PPM1E: variants seen among roughly 807,000 people sequenced by gnomAD.
PPM1E encodes the protein protein phosphatase 1E.
Under a neutral mutation model 65.9 loss-of-function variants are expected in PPM1E, and 20 were observed. That is an observed-to-expected ratio of 0.30 (90% confidence interval 0.21 to 0.44). The LOEUF (loss-of-function observed/expected upper bound fraction) is 0.44, where lower values mean the gene tolerates loss of function less well. PPM1E is among the 20% of genes least tolerant of loss of function. The pLI is 1.00. For synonymous variants in PPM1E, 352 were observed against 374.9 expected (o/e 0.94, Z 0.70); for missense variants, 713 against 953.1 (o/e 0.75, Z 3.32).
intron 1 of PPM1E, among the ~76,000 whole-genome samples, chr17:58,938,765 T>C (rs1282065824): frequency 6.6e-6 from 1 of 151,718 alleles, no homozygotes; most frequent in East Asian, 1.9e-4. Context: ...ACTCATAGGC[T>C]GTCTATGCTG....
intron 1 of PPM1E, among the ~76,000 whole-genome samples, chr17:58,869,248 T>A (rs1038186825): frequency 6.6e-5 from 10 of 152,196 alleles, no homozygotes; most frequent in Non-Finnish European, 1.2e-4. Flanking sequence ...GAATATTTTT[T>A]AATGTTTTTT....
At chr17:58,758,325 C>T (rs1350589366) in intron 1 of PPM1E, among the ~76,000 whole-genome samples, 1 of 151,806 alleles carries the variant, frequency 6.6e-6, no homozygotes, top group Non-Finnish European at 1.5e-5. Context: ...GTCAGGAGTT[C>T]GAGACCAGCC....
chr17:58,962,570 C>T (rs2030066784), intron 2 of PPM1E, among the ~76,000 whole-genome samples: 1 of 152,078 alleles, frequency 6.6e-6, no homozygotes, highest in Admixed American at 6.6e-5. Flanking sequence ...GCTGCAGAGA[C>T]CAGATAGGTT....
At chr17:58,796,347 G>GT (rs1743896469) in intron 1 of PPM1E, among the ~76,000 whole-genome samples, 1 of 152,052 alleles carries the variant, frequency 6.6e-6, no homozygotes, top group Non-Finnish European at 1.5e-5. Context: ...GCCCGGCTTG[G>GT]TTTTTTCCCA....
At chr17:58,757,780 T>G (rs2049783027) in intron 1 of PPM1E, among the ~76,000 whole-genome samples, 1 of 152,198 alleles carries the variant, frequency 6.6e-6, no homozygotes, top group Admixed American at 6.5e-5. Context: ...TAATATAAGC[T>G]ATCTAAAATT....
intron 1 of PPM1E, among the ~76,000 whole-genome samples, chr17:58,796,347 G>T (rs1156711432): frequency 2.6e-5 from 4 of 152,052 alleles, no homozygotes; most frequent in African/African-American, 4.8e-5. Flanking sequence ...GCCCGGCTTG[G>T]TTTTTTCCCA....
In PPM1E at chr17:58,973,933, C is replaced by T. The variant is rs145223181; in HGVS notation, c.1210+1008C>T. ...CGCCACTGCGCTCCAGGCTGGGCGA[C>T]AGAGCGAGACTCCATCTCAAAAAAA... On this transcript the variant is annotated intron_variant, in intron 6 of 6. Coordinates refer to ENST00000308249, the MANE Select transcript of PPM1E (RefSeq NM_014906.5). 1.2e-3 allele frequency among the ~76,000 whole-genome samples: 138 copies of T among 119,078 alleles called. No homozygotes were observed. The Middle Eastern group carries it at 0.027, about 24-fold the overall frequency. The allele number at this position is 119,078 out of a possible 152,430, so 78.1% of individuals were successfully genotyped here.
At chr17:58,920,083 G>A (rs2051733714) in intron 1 of PPM1E, among the ~76,000 whole-genome samples, 2 of 152,142 alleles carry the variant, frequency 1.3e-5, no homozygotes, top group South Asian at 4.1e-4. Context: ...ATAGAACCAA[G>A]AAGATTTGCT....
intron 6 of PPM1E, among the ~76,000 whole-genome samples, chr17:58,975,418 C>T (rs895298557): frequency 3.9e-5 from 6 of 152,294 alleles, no homozygotes; most frequent in Admixed American, 6.5e-5. Context: ...GGGAGGAATG[C>T]CTGAGCCCAG....
intron 1 of PPM1E, among the ~76,000 whole-genome samples, chr17:58,831,798 G>T (rs938048313): frequency 2.0e-5 from 3 of 152,122 alleles, no homozygotes; most frequent in Admixed American, 2.0e-4. Flanking sequence ...TCAAATATTT[G>T]TTAATCTTTT....
intron 1 of PPM1E, among the ~76,000 whole-genome samples, chr17:58,890,381 C>A (rs890199151): frequency 6.6e-6 from 1 of 151,834 alleles, no homozygotes; most frequent in Non-Finnish European, 1.5e-5. Flanking sequence ...CATAAAAATG[C>A]GAAAAACATA....
In PPM1E at chr17:58,756,735, C is replaced by T. The variant is rs534935311; in HGVS notation, c.464+274C>T. Among the ~76,000 whole-genome samples the T allele has an allele frequency of 6.5e-3, 996 of 152,240 alleles. 8 individuals are homozygous for T. Among genetic ancestry groups the T allele is most frequent in the Non-Finnish European group, 9.7e-3 (660 of 68,006 alleles). On this transcript the variant is annotated intron_variant, in intron 1 of 6. Transcript: ENST00000308249. ...AGCCCCGGCGCCCTCCCGCCGGGCCCGGGCCCCTCATCCCCTTTCACCTCG... is the reference window on the plus strand; with the variant it reads ...AGCCCCGGCGCCCTCCCGCCGGGCCTGGGCCCCTCATCCCCTTTCACCTCG...
At chr17:58,863,987 A>G (rs886554482) in intron 1 of PPM1E, among the ~76,000 whole-genome samples, 2 of 151,124 alleles carry the variant, frequency 1.3e-5, no homozygotes, top group Non-Finnish European at 2.9e-5. Flanking sequence ...GGGGATGTGA[A>G]GTTCTCATTT....
At position 58,981,026 on chromosome 17, in the gene PPM1E, G is replaced by T; in HGVS notation, c.2263G>T (p.Glu755Ter). 2 of 1,580,472 alleles carry T rather than the reference G, an allele frequency of 1.3e-6. No individual in the cohort carries two copies. Among genetic ancestry groups the T allele is most frequent in the Non-Finnish European group, 1.7e-6 (2 of 1,167,984 alleles). ...CPDLPWSYKI[E>*] is the part of the protein sequence containing the mutation. Reference sequence around the variant, plus strand: ...AGATCTTCCTTGGAGCTATAAAATAGAATAATTTTTCTTTCAAGTAGGTTA... The same window carrying T: ...AGATCTTCCTTGGAGCTATAAAATATAATAATTTTTCTTTCAAGTAGGTTA... The change falls in exon 7 of 7, where the codon GAA (glutamate) becomes TAA (stop). Residue 755 changes from glutamate to a stop codon, truncating the protein, a stop_gained. Coordinates refer to ENST00000308249, the MANE Select transcript of PPM1E (RefSeq NM_014906.5). LOFTEE classifies it high-confidence loss of function.
At chr17:58,875,262 C>G (rs1598622980) in intron 1 of PPM1E, among the ~76,000 whole-genome samples, 1 of 152,112 alleles carries the variant, frequency 6.6e-6, no homozygotes, top group Non-Finnish European at 1.5e-5. Flanking sequence ...TAGTGGCAGG[C>G]ATCTAGGTCT....
chr17:58,864,781 C>G (rs1205050976), intron 1 of PPM1E, among the ~76,000 whole-genome samples: 3 of 151,864 alleles, frequency 2.0e-5, no homozygotes, highest in Non-Finnish European at 4.4e-5. Flanking sequence ...ACTGAAAATA[C>G]AAAAATTAGC....
At chr17:58,975,724 C>G (rs923937668) in intron 6 of PPM1E, among the ~76,000 whole-genome samples, 29 of 152,088 alleles carry the variant, frequency 1.9e-4, no homozygotes, top group African/African-American at 7.0e-4. Flanking sequence ...GCCTTATGTG[C>G]GAGGCTAAGT....
rs1382820031 is a variant in PPM1E at position 58,981,350 on chromosome 17, A to C, written c.*319A>C. 2.0e-5 allele frequency: 5 copies of C among 252,654 alleles called. No homozygotes were observed. Among genetic ancestry groups the C allele is most frequent in the Non-Finnish European group, 3.8e-5 (5 of 132,406 alleles). The allele number at this position is 252,654 out of a possible 1,614,324, so 15.7% of individuals were successfully genotyped here. ...CCACCATCCCTTCAGTCACTAGTGG[A>C]AGCTTTCAAGTTAGTTATTTCAGTC... On this transcript the variant is annotated 3_prime_UTR_variant, in exon 7 of 7. Transcript: ENST00000308249.
chr17:58,776,542 A>T (rs1008165756), intron 1 of PPM1E, among the ~76,000 whole-genome samples: 2 of 152,154 alleles, frequency 1.3e-5, no homozygotes, highest in Non-Finnish European at 2.9e-5. Flanking sequence ...TTTTAAATTA[A>T]TGTCTCTCTG....
Sources: gnomAD v4.1 joint callset for allele counts (sites outside exome capture counted in the v4.1 genomes callset) on GRCh38, gnomAD v4.1.1 for gene constraint, MANE v1.5 for transcripts, NCBI Gene and HGNC (gene_info 2026-07-23, HGNC 2026-07-21) for gene names.